DNAI1: variants seen among roughly 807,000 people sequenced by gnomAD.
DNAI1 encodes the protein dynein axonemal intermediate chain 1, also known as dynein, axonemal, intermediate polypeptide 1.
Under a neutral mutation model 92.0 loss-of-function variants are expected in DNAI1, and 67 were observed. The observed-to-expected ratio is 0.73, with a 90% CI of 0.60 to 0.89. The LOEUF (loss-of-function observed/expected upper bound fraction) is 0.89, where lower values mean the gene tolerates loss of function less well. DNAI1 is among the 40% of genes least tolerant of loss of function. The pLI, the probability that DNAI1 is intolerant of heterozygous loss-of-function variation, is 0.00. For missense variants in DNAI1, 839 were observed against 866.6 expected (o/e 0.97, Z 0.40); for synonymous variants, 323 against 319.6 (o/e 1.01, Z -0.11).
At position 34,485,442 on chromosome 9, in the gene DNAI1, AAAG is replaced by A; in HGVS notation, c.187_189del (p.Lys63del). On this transcript the variant is annotated inframe_deletion, in exon 4 of 20. Coordinates refer to ENST00000242317, the MANE Select transcript of DNAI1 (RefSeq NM_012144.4). The stretch of plus-strand genomic sequence containing the variant: ...TTGGTATTTTTCTCCCTCAGGAGTT[AAAG>A]GAGGAGTTCACTCGGATTTTGACAG... The A allele has an allele frequency of 6.2e-7, 1 of 1,614,104 alleles. No individual in the cohort carries two copies. The highest frequency in any genetic ancestry group is 8.5e-7 in the Non-Finnish European group (1 of 1,180,016).
At chr9:34,485,323 C>A in intron 3 of DNAI1, 83 bp downstream of exon 3, 1 of 1,598,660 alleles carries the variant, frequency 6.3e-7, no homozygotes, top group Non-Finnish European at 8.6e-7. Context: ...TGATTAGGAG[C>A]TTGCCCAGAA....
rs112108605 is a variant in DNAI1 at position 34,472,303 on chromosome 9, C to A, written c.49-11145C>A. Among the ~76,000 whole-genome samples the A allele has an allele frequency of 2.4e-3, 361 of 152,308 alleles. 3 individuals are homozygous for A. The highest frequency in any genetic ancestry group is 7.8e-3 in the African/African-American group (326 of 41,566). On this transcript the variant is annotated intron_variant, in intron 1 of 19. Transcript: ENST00000242317. The stretch of plus-strand genomic sequence containing the variant: ...GCAGAAATGAAGTTTAGGGACTAAA[C>A]GCCTTGCTCAACGTCTTACATATAA...
At chr9:34,485,834 T>C (rs1337692688) in intron 4 of DNAI1, among the ~76,000 whole-genome samples, 1 of 152,208 alleles carries the variant, frequency 6.6e-6, no homozygotes, top group Non-Finnish European at 1.5e-5. Context: ...ACATAAACTA[T>C]TGAGTCTTCA....
chr9:34,501,493 T>TG (rs1309810635), intron 12 of DNAI1, among the ~76,000 whole-genome samples: 5 of 152,308 alleles, frequency 3.3e-5, no homozygotes, highest in Non-Finnish European at 7.4e-5. Flanking sequence ...ATGAAGCTGC[T>TG]GGGGGGGCCA....
In DNAI1 at chr9:34,517,419, G is replaced by A. The variant is rs761686427; in HGVS notation, c.1953G>A (p.Gly651=). Residue 651 remains glycine (G), a synonymous_variant, in exon 19 of 20, where the codon GGG becomes GGA. Transcript: ENST00000242317. ...TCATCATTGTGGGCGATGACCGTGGGCACATCATCAGCCTCAAGCTCTCAC... is the reference window on the plus strand; with the variant it reads ...TCATCATTGTGGGCGATGACCGTGGACACATCATCAGCCTCAAGCTCTCAC... ...HPIIIVGDDR[G]HIISLKLSPN... 1.2e-6 allele frequency: 2 copies of A among 1,614,096 alleles called. No individual in the cohort carries two copies. The highest frequency in any genetic ancestry group is 4.5e-5 in the East Asian group (2 of 44,892).
At chr9:34,509,485 G>A (rs1237338671) in intron 13 of DNAI1, among the ~76,000 whole-genome samples, 4 of 151,992 alleles carry the variant, frequency 2.6e-5, no homozygotes, top group East Asian at 1.9e-4. Flanking sequence ...GATGAGAGTG[G>A]TGCTCTGTTA....
At chr9:34,490,235 T>G in intron 6 of DNAI1, 111 bp downstream of exon 6, 8 of 1,607,708 alleles carry the variant, frequency 5.0e-6, no homozygotes, top group African/African-American at 1.3e-5. Context: ...GAATAGAGGC[T>G]GCAGGTGCCA....
chr9:34,497,632 A>G (rs1564035847), intron 10 of DNAI1, among the ~76,000 whole-genome samples: 2 of 152,248 alleles, frequency 1.3e-5, no homozygotes, highest in African/African-American at 4.8e-5. Context: ...TGGGAATGCT[A>G]TAAATGCCAG....
intron 9 of DNAI1, 75 bp downstream of exon 9, chr9:34,493,403 G>A (rs1225654151): frequency 6.3e-7 from 1 of 1,596,826 alleles, no homozygotes; most frequent in Non-Finnish European, 8.6e-7. Flanking sequence ...ACAGAAGCCT[G>A]GCTGTCTGGG....
intron 10 of DNAI1, among the ~76,000 whole-genome samples, chr9:34,497,553 G>A (rs962320264): frequency 3.3e-5 from 5 of 152,214 alleles, no homozygotes; most frequent in African/African-American, 9.6e-5. Context: ...ACTAGTGAGT[G>A]GCAGAGAGGA....
chr9:34,462,229 C>G (rs778026894), intron 1 of DNAI1, among the ~76,000 whole-genome samples: 4 of 152,162 alleles, frequency 2.6e-5, no homozygotes, highest in Non-Finnish European at 5.9e-5. Context: ...TTCCACAATC[C>G]CAGCAAACTG....
At chr9:34,462,083 C>T (rs766681068) in intron 1 of DNAI1, among the ~76,000 whole-genome samples, 6 of 152,150 alleles carry the variant, frequency 3.9e-5, no homozygotes, top group Non-Finnish European at 8.8e-5. Context: ...CTCCACTAGT[C>T]GCCTTTTAAT....
At chr9:34,520,506 C>A in intron 19 of DNAI1, 152 bp from the exon 20 acceptor site, 5 of 736,756 alleles carry the variant, frequency 6.8e-6, no homozygotes, top group Non-Finnish European at 1.2e-5. Context: ...GGGGAATGAT[C>A]GTGTCAGGGA....
chr9:34,461,016 T>C (rs1823942705), intron 1 of DNAI1, among the ~76,000 whole-genome samples: 1 of 152,148 alleles, frequency 6.6e-6, no homozygotes, highest in East Asian at 1.9e-4. Flanking sequence ...AATTTTTTTG[T>C]ATTTTTGGTA....
At position 34,501,834 on chromosome 9, in the gene DNAI1, C is replaced by T. The variant is rs1342258559; in HGVS notation, c.1063+653C>T. Among the ~76,000 whole-genome samples, 4 of 152,282 alleles carry T rather than the reference C, an allele frequency of 2.6e-5. No homozygotes were observed. The South Asian group carries it at 6.2e-4, about 24-fold the overall frequency. On this transcript the variant is annotated intron_variant, in intron 12 of 19. Coordinates refer to ENST00000242317, the MANE Select transcript of DNAI1 (RefSeq NM_012144.4). The stretch of plus-strand genomic sequence containing the variant: ...AGCCCACTGCTATCCAGAGTGTGCC[C>T]GCCCCTGCCAGTTACCCACCCAAGG...
intron 19 of DNAI1, among the ~76,000 whole-genome samples, chr9:34,519,708 C>T (rs904805441): frequency 2.0e-5 from 3 of 152,186 alleles, no homozygotes; most frequent in Middle Eastern, 3.2e-3. Context: ...CACCCCTCCC[C>T]ATCCCCTTTA....
chr9:34,465,167 A>T (rs1824014528), intron 1 of DNAI1, among the ~76,000 whole-genome samples: 1 of 152,242 alleles, frequency 6.6e-6, no homozygotes, highest in East Asian at 1.9e-4. Flanking sequence ...AATTGAGCTA[A>T]GAAGGCAGTA....
intron 13 of DNAI1, 30 bp from the exon 14 acceptor site, chr9:34,512,079 T>TC (rs368766463): frequency 2.8e-5 from 45 of 1,608,172 alleles, no homozygotes; most frequent in Non-Finnish European, 3.6e-5. Context: ...TTTAGCAGGG[T>TC]CCCAGAGCTC....
At chr9:34,477,255 T>C (rs191750022) in intron 1 of DNAI1, among the ~76,000 whole-genome samples, 1 of 152,226 alleles carries the variant, frequency 6.6e-6, no homozygotes, top group East Asian at 1.9e-4. Context: ...TTGGAGGCTT[T>C]AAATCAAGAG....
Sources: allele counts gnomAD v4.1 joint callset (sites outside exome capture counted in the v4.1 genomes callset), GRCh38; gene constraint gnomAD v4.1.1; transcripts MANE v1.5; gene names NCBI Gene and HGNC (gene_info 2026-07-23, HGNC 2026-07-21).